The following FRZB variants were observed in gnomAD, a reference collection of about 807,000 sequenced individuals.
The protein encoded by FRZB is secreted frizzled-related protein 3.
Under a neutral mutation model 32.5 loss-of-function variants are expected in FRZB, and 34 were observed. The ratio of observed to expected loss-of-function variants is 1.05; its 90% CI spans 0.80 to 1.39. The LOEUF is 1.39. Ranked by LOEUF, FRZB falls within the 40% of genes most tolerant of loss-of-function variation. The pLI is 0.00. For synonymous variants in FRZB, 170 were observed against 159.2 expected (o/e 1.07, Z -0.51); for missense variants, 423 against 424.8 (o/e 1.00, Z 0.04).
At chr2:182,848,836 C>T (rs976304520) in intron 2 of FRZB, among the ~76,000 whole-genome samples, 2 of 152,286 alleles carry the variant, frequency 1.3e-5, no homozygotes, top group East Asian at 1.9e-4. Context: ...CTTCCATTTA[C>T]GTGAAGCTGA....
At chr2:182,838,727 C>A in intron 3 of FRZB, 114 bp from the exon 4 acceptor site, 1 of 828,114 alleles carries the variant, frequency 1.2e-6, no homozygotes, top group Non-Finnish European at 1.9e-6. Context: ...TGATATTCAA[C>A]GAATGGAACA....
At chr2:182,838,669 T>C (rs997957852) in intron 3 of FRZB, 56 bp from the exon 4 acceptor site, 24 of 1,470,000 alleles carry the variant, frequency 1.6e-5, no homozygotes, top group Admixed American at 3.7e-5. Context: ...AGCTACCCCA[T>C]TCAAAAAAAG....
In FRZB at chr2:182,834,022, T is replaced by C. The variant is rs1428847878; in HGVS notation, c.*827A>G. On this transcript the variant is annotated 3_prime_UTR_variant, in exon 6 of 6. Coordinates refer to ENST00000295113, the MANE Select transcript of FRZB (RefSeq NM_001463.4). ...AGAGAAAAAAAAAGACTTTCACCAA[T>C]GGGTTTATTTAAAAGGAAGCAAATT... is the stretch of plus-strand genomic sequence containing the variant. 6.6e-6 allele frequency: 1 copy of C among 152,144 alleles called. No individual in the cohort carries two copies. The highest frequency in any genetic ancestry group is 2.4e-5 in the African/African-American group (1 of 41,434). 9.4% of individuals were successfully genotyped at this position (152,144 alleles called of 1,614,324 possible).
At chr2:182,848,480 C>G (rs1363052056) in intron 2 of FRZB, among the ~76,000 whole-genome samples, 3 of 152,140 alleles carry the variant, frequency 2.0e-5, no homozygotes, top group Non-Finnish European at 4.4e-5. Context: ...AACACATTCC[C>G]TCTTCCCAAA....
chr2:182,866,626 C>A lies in FRZB; in HGVS notation c.-74G>T. On this transcript the variant is annotated 5_prime_UTR_variant, in exon 1 of 6. Coordinates refer to ENST00000295113, the MANE Select transcript of FRZB (RefSeq NM_001463.4). The surrounding 1 kb of genome is among the most constrained non-coding windows in gnomAD (Gnocchi z 4.5). ...GGCCCGCTCCGCCGTCTCCGCCTCC[C>A]CCGCTGCAAGTGGACACAAGGATCT... The A allele has an allele frequency of 8.2e-6, 9 of 1,095,964 alleles. No individual in the cohort carries two copies. The South Asian group carries it at 1.7e-4, about 21-fold the overall frequency. 67.9% of individuals were successfully genotyped at this position (1,095,964 alleles called of 1,614,324 possible).
intron 5 of FRZB, among the ~76,000 whole-genome samples, chr2:182,835,615 T>G (rs1459820641): frequency 1.3e-5 from 2 of 152,276 alleles, no homozygotes; most frequent in East Asian, 3.9e-4. Flanking sequence ...AATAATATTT[T>G]CATGTAATTT....
intron 2 of FRZB, among the ~76,000 whole-genome samples, chr2:182,855,253 T>C (rs1367514310): frequency 6.6e-6 from 1 of 152,158 alleles, no homozygotes; most frequent in East Asian, 1.9e-4. Context: ...TGCATGATAT[T>C]CAAAATGTCC....
Position 182,842,412 on chromosome 2 carries a change from C to T in FRZB, c.592+66G>A, listed in dbSNP as rs562191278. On this transcript the variant is annotated intron_variant, in intron 3 of 5. Transcript: ENST00000295113. ...CCACTCGTTTACATGTGCACATCCT[C>T]ATAGGTGCATCCACACACCTCTCTT... 5 of 1,102,572 alleles carry T rather than the reference C, an allele frequency of 4.5e-6. No homozygotes were observed. The East Asian group carries it at 1.2e-4, about 26-fold the overall frequency. The allele number at this position is 1,102,572 out of a possible 1,614,324, so 68.3% of individuals were successfully genotyped here.
chr2:182,843,916 G>A (rs1000282436), intron 2 of FRZB, among the ~76,000 whole-genome samples: 6 of 150,820 alleles, frequency 4.0e-5, no homozygotes, highest in Admixed American at 3.3e-4. Context: ...GGGTGATAGA[G>A]TAAGACCCCG....
intron 2 of FRZB, among the ~76,000 whole-genome samples, chr2:182,844,370 C>T (rs922936898): frequency 5.3e-5 from 8 of 152,024 alleles, no homozygotes; most frequent in African/African-American, 1.9e-4. Flanking sequence ...TAGCTTTTGG[C>T]GTTCTGTATT....
intron 3 of FRZB, among the ~76,000 whole-genome samples, chr2:182,840,825 C>T (rs962634115): frequency 5.3e-5 from 8 of 152,040 alleles, no homozygotes; most frequent in Non-Finnish European, 1.2e-4. Context: ...CTTCACTTTC[C>T]ATGACTTGTC....
chr2:182,840,960 G>T (rs1404622662), intron 3 of FRZB, among the ~76,000 whole-genome samples: 1 of 152,036 alleles, frequency 6.6e-6, no homozygotes, highest in Non-Finnish European at 1.5e-5. Flanking sequence ...ATATAAAATT[G>T]ATATGTTTTT....
At chr2:182,842,891 T>C (rs1313139015) in intron 2 of FRZB, among the ~76,000 whole-genome samples, 1 of 152,186 alleles carries the variant, frequency 6.6e-6, no homozygotes, top group African/African-American at 2.4e-5. Context: ...GAATACCAAC[T>C]GGGAGGCAAT....
chr2:182,857,129 A>C (rs576410825), intron 2 of FRZB, among the ~76,000 whole-genome samples: 34 of 152,332 alleles, frequency 2.2e-4, no homozygotes, highest in African/African-American at 7.9e-4. Flanking sequence ...GTAGAATTTG[A>C]AAAATAGCAA....
At chr2:182,852,091 G>A (rs1167404924) in intron 2 of FRZB, among the ~76,000 whole-genome samples, 1 of 152,178 alleles carries the variant, frequency 6.6e-6, no homozygotes, top group African/African-American at 2.4e-5. Context: ...CCAATAAGGT[G>A]TGGAAGTTGG....
chr2:182,838,548 T>C lies in FRZB; in HGVS notation c.658A>G (p.Lys220Glu). The part of the protein sequence containing the change: ...CHDVTAVVEV[K>E]EILKSSLVNI... ...ACCAGAGAGGACTTTAGAATCTCCT[T>C]CACCTCCACTACTGCAGTCACATCA... Residue 220 changes from lysine (K) to glutamate (E), a missense_variant, in exon 4 of 6, where the codon AAG (lysine) becomes GAG (glutamate). Transcript: ENST00000295113. 1 of 1,613,012 alleles carries C rather than the reference T, an allele frequency of 6.2e-7. No individual in the cohort carries two copies. Among genetic ancestry groups the C allele is most frequent in the East Asian group, 2.2e-5 (1 of 44,852 alleles).
Position 182,866,610 on chromosome 2 carries a change from C to A in FRZB, c.-58G>T, listed in dbSNP as rs1376526772. The A allele has an allele frequency of 4.1e-5, 48 of 1,177,790 alleles. No individual in the cohort carries two copies. Among genetic ancestry groups the A allele is most frequent in the Admixed American group, 5.9e-5 (2 of 33,758 alleles). 73.0% of individuals were successfully genotyped at this position (1,177,790 alleles called of 1,614,324 possible). On this transcript the variant is annotated 5_prime_UTR_variant, in exon 1 of 6. Transcript: ENST00000295113. The surrounding 1 kb of genome is among the most constrained non-coding windows in gnomAD (Gnocchi z 4.5). Reference sequence around the variant, plus strand: ...GCAGTGGACGCCAAAAGGCCCGCTCCGCCGTCTCCGCCTCCCCCGCTGCAA... The same window carrying A: ...GCAGTGGACGCCAAAAGGCCCGCTCAGCCGTCTCCGCCTCCCCCGCTGCAA...
intron 2 of FRZB, among the ~76,000 whole-genome samples, chr2:182,843,680 TG>T (rs1396162835): frequency 6.6e-6 from 1 of 152,166 alleles, no homozygotes; most frequent in Non-Finnish European, 1.5e-5. Context: ...GCACTCACTT[TG>T]GGAGGCCAAC....
In FRZB at chr2:182,866,066, A is replaced by C. The variant is rs765367453; in HGVS notation, c.478+9T>G. On this transcript the variant is annotated intron_variant, in intron 1 of 5. Transcript: ENST00000295113. The surrounding 1 kb of genome is among the most constrained non-coding windows in gnomAD (Gnocchi z 4.5). ...GGGTAAGGGAAGGGTGGGCCGTGTC[A>C]AAACTCACCAGCTCCGTCCGCAGTA... The C allele has an allele frequency of 8.1e-6, 13 of 1,599,034 alleles. No individual in the cohort carries two copies. Among genetic ancestry groups the C allele is most frequent in the Non-Finnish European group, 1.0e-5 (12 of 1,169,428 alleles).
Sources: gnomAD v4.1 joint callset for allele counts (sites outside exome capture counted in the v4.1 genomes callset) on GRCh38, gnomAD v4.1.1 for gene constraint, Gnocchi (gnomAD v3.1) non-coding constraint, MANE v1.5 for transcripts, NCBI Gene and HGNC (gene_info 2026-07-23, HGNC 2026-07-21) for gene names.